TM9SF2: variants seen among roughly 807,000 people sequenced by gnomAD.
TM9SF2 encodes the protein transmembrane 9 superfamily member 2, also known as 76 kDa membrane protein.
In TM9SF2, 13 loss-of-function variants were observed where a neutral mutation model predicts 84.9. The ratio of observed to expected loss-of-function variants is 0.15; its 90% CI spans 0.10 to 0.24. The LOEUF is 0.24. Among genes scored for constraint, TM9SF2 ranks in the 10% least tolerant of loss-of-function variants. TM9SF2 has a pLI of 1.00. For synonymous variants in TM9SF2, 273 were observed against 285.8 expected (o/e 0.96, Z 0.45); for missense variants, 562 against 818.5 (o/e 0.69, Z 3.82).
chr13:99,547,223 T>C, intron 11 of TM9SF2, 119 bp downstream of exon 11: 3 of 1,398,422 alleles, frequency 2.1e-6, no homozygotes, highest in Non-Finnish European at 2.9e-6. Context: ...AGGGGTCTGT[T>C]CTTAGTTAAA....
chr13:99,544,616 C>T (rs965688999), intron 10 of TM9SF2, among the ~76,000 whole-genome samples: 6 of 152,122 alleles, frequency 3.9e-5, no homozygotes, highest in African/African-American at 9.7e-5. Context: ...ACCCAGGCAT[C>T]GTGGGCAGGC....
chr13:99,549,761 C>G (rs757354299), intron 12 of TM9SF2, among the ~76,000 whole-genome samples: 19 of 152,186 alleles, frequency 1.2e-4, no homozygotes, highest in Admixed American at 9.8e-4. Flanking sequence ...AAGCAAAACC[C>G]ACTTCCTCCC....
Position 99,527,426 on chromosome 13 carries a change from A to G in TM9SF2, c.334-2041A>G, listed in dbSNP as rs139632212. On this transcript the variant is annotated intron_variant, in intron 3 of 16. Coordinates refer to ENST00000376387, the MANE Select transcript of TM9SF2 (RefSeq NM_004800.3). The stretch of plus-strand genomic sequence containing the variant: ...ATGTGGCGGCAGAAAAGAGAAGTGC[A>G]GAGTGAATCGGAGAAAGCCCCTTAT... Among the ~76,000 whole-genome samples, 15 of 152,354 alleles carry G rather than the reference A, an allele frequency of 9.8e-5. No homozygotes were observed. The East Asian group carries it at 2.9e-3, about 29-fold the overall frequency.
chr13:99,525,993 T>C lies in TM9SF2; in HGVS notation c.334-3474T>C, dbSNP rs112328362. ...TCTGGCAAGAAGGGATGGGACCTAG[T>C]GTACTGTTGGAGAGGTTGGCCTCAG... On this transcript the variant is annotated intron_variant, in intron 3 of 16. Coordinates refer to ENST00000376387, the MANE Select transcript of TM9SF2 (RefSeq NM_004800.3). 5.4e-3 allele frequency among the ~76,000 whole-genome samples: 829 copies of C among 152,240 alleles called. 5 individuals carry two copies. The highest frequency in any genetic ancestry group is 0.019 in the African/African-American group (804 of 41,528).
intron 8 of TM9SF2, among the ~76,000 whole-genome samples, 193 bp from the exon 9 acceptor site, chr13:99,541,366 G>A (rs1415173404): frequency 6.6e-6 from 1 of 152,192 alleles, no homozygotes; most frequent in African/African-American, 2.4e-5. Context: ...ATTATGATAA[G>A]TATATAATGT....
intron 9 of TM9SF2, among the ~76,000 whole-genome samples, chr13:99,542,642 T>C (rs2046265758): frequency 6.6e-6 from 1 of 152,272 alleles, no homozygotes; most frequent in South Asian, 2.1e-4. Context: ...GGGGAAAATA[T>C]ATATGAATAT....
chr13:99,532,672 C>CT (rs2046216283), intron 4 of TM9SF2, among the ~76,000 whole-genome samples: 1 of 152,120 alleles, frequency 6.6e-6, no homozygotes, highest in Admixed American at 6.5e-5. Flanking sequence ...CAGTAGCCTC[C>CT]TGACAGGAAA....
At chr13:99,544,300 G>A (rs57696309) in intron 10 of TM9SF2, among the ~76,000 whole-genome samples, 11 of 147,768 alleles carry the variant, frequency 7.4e-5, no homozygotes, top group South Asian at 2.1e-4. Flanking sequence ...CTGAGATTGC[G>A]CCACTGCACT....
chr13:99,514,366 G>C (rs1241099871), intron 1 of TM9SF2: 1 of 152,150 alleles, frequency 6.6e-6, no homozygotes, highest in Non-Finnish European at 1.5e-5. Context: ...ACTGCATTTT[G>C]ATTGTACCTA....
intron 3 of TM9SF2, among the ~76,000 whole-genome samples, chr13:99,526,991 G>A (rs565763729): frequency 9.2e-5 from 14 of 152,258 alleles, no homozygotes; most frequent in Admixed American, 3.3e-4. Context: ...GGCAGCATCC[G>A]TCAGGGACAG....
intron 9 of TM9SF2, among the ~76,000 whole-genome samples, chr13:99,542,106 G>A (rs1241410029): frequency 2.0e-5 from 3 of 150,684 alleles, no homozygotes; most frequent in Admixed American, 6.6e-5. Flanking sequence ...AGCCAAGATC[G>A]TGCCACTGCA....
chr13:99,514,541 G>A lies in TM9SF2; in HGVS notation c.172-3073G>A, dbSNP rs112626703. Among the ~76,000 whole-genome samples, 9 of 152,206 alleles carry A rather than the reference G, an allele frequency of 5.9e-5. 1 individual carries two copies. The highest frequency in any genetic ancestry group is 1.9e-4 in the African/African-American group (8 of 41,496). On this transcript the variant is annotated intron_variant, in intron 1 of 16. Coordinates refer to ENST00000376387, the MANE Select transcript of TM9SF2 (RefSeq NM_004800.3). ...ATCTAGATTTGTGTGGGTATGCTCT[G>A]TGATAGTCCCACAACAAAATCCCCT...
At chr13:99,549,397 A>G (rs1453564949) in intron 12 of TM9SF2, among the ~76,000 whole-genome samples, 175 bp downstream of exon 12, 3 of 152,284 alleles carry the variant, frequency 2.0e-5, no homozygotes, top group South Asian at 4.1e-4. Flanking sequence ...AATGATTACC[A>G]CATGTCTTAT....
At chr13:99,502,532 CTG>C (rs887085890) in intron 1 of TM9SF2, among the ~76,000 whole-genome samples, 1 of 152,186 alleles carries the variant, frequency 6.6e-6, no homozygotes, top group Admixed American at 6.5e-5. Context: ...GTGGGAGAAA[CTG>C]GTGTTTTCCT....
chr13:99,560,394 T>C (rs1438392385), intron 16 of TM9SF2, among the ~76,000 whole-genome samples: 2 of 152,230 alleles, frequency 1.3e-5, no homozygotes, highest in Admixed American at 6.5e-5. Context: ...CGATTCTGTA[T>C]TCCAGGTCAT....
At chr13:99,542,546 A>G (rs1337104952) in intron 9 of TM9SF2, among the ~76,000 whole-genome samples, 3 of 152,150 alleles carry the variant, frequency 2.0e-5, no homozygotes, top group Non-Finnish European at 2.9e-5. Flanking sequence ...TTTGGAATGA[A>G]TGCAAAAAAC....
intron 4 of TM9SF2, 151 bp downstream of exon 4, chr13:99,529,745 A>T: frequency 1.3e-6 from 1 of 760,084 alleles, no homozygotes; most frequent in Non-Finnish European, 1.9e-6. Context: ...TGAAGTAGTG[A>T]CTCTTAGTTA....
At position 99,552,325 on chromosome 13, in the gene TM9SF2, A is replaced by G. The variant is rs760376933; in HGVS notation, c.1487A>G (p.Asn496Ser). The change falls in exon 13 of 17, where the codon AAT becomes AGT. Residue 496 changes from asparagine (N) to serine (S), a missense_variant and splice_region_variant. Asn to Ser is a conservative substitution (Grantham distance 46). Transcript: ENST00000376387. ...GGTGCATACTTTGGTTTTAAGAAGA[A>G]TGTAAGTTTATAGGTGTTAACTTAT... ...FIGAYFGFKK[N>S]AIEHPVRTNQ... is the part of the protein sequence containing the mutation. 1 of 1,613,044 alleles carries G rather than the reference A, an allele frequency of 6.2e-7. No homozygotes were observed. Among genetic ancestry groups the G allele is most frequent in the Non-Finnish European group, 8.5e-7 (1 of 1,179,654 alleles).
In TM9SF2 at chr13:99,562,914, C is replaced by G. The variant is rs528606468; in HGVS notation, c.*156C>G. The G allele has an allele frequency of 1.1e-4, 65 of 609,110 alleles. 1 individual carries two copies. The South Asian group carries it at 1.3e-3, about 12-fold the overall frequency. 37.7% of individuals were successfully genotyped at this position (609,110 alleles called of 1,614,324 possible). A position where few individuals can be genotyped will look rare whatever the true frequency, so the allele number is the denominator to read the frequency against. ...AATAAACCTCTTCCCATACACCTTTCCCCCATAAGATGTGTCTTCAACACT... is the reference window on the plus strand; with the variant it reads ...AATAAACCTCTTCCCATACACCTTTGCCCCATAAGATGTGTCTTCAACACT... On this transcript the variant is annotated 3_prime_UTR_variant, in exon 17 of 17. Transcript: ENST00000376387.
Sources: allele counts gnomAD v4.1 joint callset (sites outside exome capture counted in the v4.1 genomes callset), GRCh38; gene constraint gnomAD v4.1.1; transcripts MANE v1.5; gene names NCBI Gene and HGNC (gene_info 2026-07-23, HGNC 2026-07-21).